The following CNNM2 variants were observed in gnomAD, a reference collection of about 807,000 sequenced individuals.
CNNM2 encodes cyclin and CBS domain divalent metal cation transport mediator 2.
CNNM2 carries 12 observed loss-of-function variants against 66.9 expected under a neutral mutation model. That is an observed-to-expected ratio of 0.18 (90% CI 0.11 to 0.29). CNNM2 has a LOEUF of 0.29. Among genes scored for constraint, CNNM2 ranks in the 10% least tolerant of loss-of-function variants. The pLI is 1.00. For missense variants in CNNM2, 705 were observed against 1,167.7 expected (o/e 0.60, Z 5.77); for synonymous variants, 557 against 501.8 (o/e 1.11, Z -1.47).
chr10:103,004,334 C>T (rs2064185272), intron 1 of CNNM2, among the ~76,000 whole-genome samples: 1 of 152,088 alleles, frequency 6.6e-6, no homozygotes, highest in Non-Finnish European at 1.5e-5. Context: ...TTTATTCTTT[C>T]TATTTTTGAA....
intron 1 of CNNM2, among the ~76,000 whole-genome samples, chr10:103,006,455 C>G (rs543008386): frequency 6.6e-6 from 1 of 152,252 alleles, no homozygotes; most frequent in East Asian, 1.9e-4. Context: ...ATCCACCCGC[C>G]TCAGCCTCCC....
intron 1 of CNNM2, among the ~76,000 whole-genome samples, chr10:103,004,533 A>C (rs970353972): frequency 4.6e-5 from 7 of 152,224 alleles, no homozygotes; most frequent in African/African-American, 1.7e-4. Flanking sequence ...TCTTGTTAAA[A>C]GGTAGATTCT....
At chr10:102,993,269 G>T (rs568357091) in intron 1 of CNNM2, among the ~76,000 whole-genome samples, 1 of 152,296 alleles carries the variant, frequency 6.6e-6, no homozygotes, top group African/African-American at 2.4e-5. Flanking sequence ...CCCATGGTCA[G>T]AGTAGATTAT....
intron 1 of CNNM2, among the ~76,000 whole-genome samples, chr10:102,940,061 A>T (rs1846374255): frequency 6.6e-6 from 1 of 152,114 alleles, no homozygotes; most frequent in African/African-American, 2.4e-5. Flanking sequence ...TCCTGCTCTC[A>T]GGTAACTTGA....
intron 1 of CNNM2, among the ~76,000 whole-genome samples, chr10:103,006,534 A>C (rs2064231718): frequency 6.6e-6 from 1 of 152,048 alleles, no homozygotes; most frequent in Admixed American, 6.6e-5. Flanking sequence ...GCTCCCCTTC[A>C]TCAGATTGAA....
chr10:103,052,518 C>CT (rs71019652), intron 2 of CNNM2, among the ~76,000 whole-genome samples: 126 of 142,506 alleles, frequency 8.8e-4, no homozygotes, highest in East Asian at 3.8e-3. Flanking sequence ...AGGTTTTTTT[C>CT]TTTTTTTTTT....
intron 1 of CNNM2, among the ~76,000 whole-genome samples, chr10:102,982,185 T>G (rs1402198022): frequency 6.6e-6 from 1 of 152,182 alleles, no homozygotes; most frequent in East Asian, 1.9e-4. Flanking sequence ...TCTTTGCCTT[T>G]TTATATTAGG....
chr10:103,037,016 A>C (rs2064952987), intron 1 of CNNM2, among the ~76,000 whole-genome samples: 1 of 152,110 alleles, frequency 6.6e-6, no homozygotes, highest in South Asian at 2.1e-4. Flanking sequence ...ATTGGGGGAA[A>C]CTGGGGAAAA....
chr10:102,939,115 C>T (rs1846340387), intron 1 of CNNM2, among the ~76,000 whole-genome samples: 1 of 152,118 alleles, frequency 6.6e-6, no homozygotes, highest in East Asian at 1.9e-4. Flanking sequence ...GATTTGTTGC[C>T]TTTTTCAGAC....
At chr10:103,047,845 T>G (rs774207395) in intron 1 of CNNM2, among the ~76,000 whole-genome samples, 1 of 152,224 alleles carries the variant, frequency 6.6e-6, no homozygotes, top group Non-Finnish European at 1.5e-5. Context: ...ACCAGCAATC[T>G]CATCAGAAAA....
intron 3 of CNNM2, 64 bp from the exon 4 acceptor site, chr10:103,056,731 A>C: frequency 7.0e-7 from 1 of 1,426,320 alleles, no homozygotes; most frequent in Non-Finnish European, 9.8e-7. Context: ...CTCAATTACT[A>C]TTAATAGTAT....
intron 1 of CNNM2, among the ~76,000 whole-genome samples, chr10:102,974,596 G>A (rs1177911889): frequency 6.6e-6 from 1 of 151,690 alleles, no homozygotes; most frequent in Non-Finnish European, 1.5e-5. Flanking sequence ...TTTTGAGACA[G>A]GGTCTTGCCC....
intron 1 of CNNM2, among the ~76,000 whole-genome samples, chr10:102,951,433 G>C (rs1261190257): frequency 6.6e-6 from 1 of 152,102 alleles, no homozygotes; most frequent in Non-Finnish European, 1.5e-5. Flanking sequence ...TTGATCTCAA[G>C]TGATCTGCCT....
chr10:103,024,152 T>C (rs2064650216), intron 1 of CNNM2, among the ~76,000 whole-genome samples: 1 of 152,222 alleles, frequency 6.6e-6, no homozygotes, highest in African/African-American at 2.4e-5. Flanking sequence ...TGTGATATTA[T>C]GCTTTTTTTG....
chr10:103,068,701 A>T lies in CNNM2; in HGVS notation c.2146A>T (p.Met716Leu). 6.2e-7 allele frequency: 1 copy of T among 1,612,960 alleles called. No homozygotes were observed. The highest frequency in any genetic ancestry group is 8.5e-7 in the Non-Finnish European group (1 of 1,179,536). Residue 716 changes from methionine (M) to leucine (L), a missense_variant, in exon 5 of 8, where the codon ATG (methionine) becomes TTG (leucine). This residue lies in a region of CNNM2 where 194 missense variants were observed against 227.6 expected (regional missense o/e 0.85). Transcript: ENST00000369878. ...GAGCGCCTTCTCATACTATGGCGTG[A>T]TGGCCCTGACAGCCTCTCCAGGTAT... ...EASAFSYYGV[M>L]ALTASPVPLS... is the part of the protein sequence containing the mutation.
chr10:103,072,413 C>T lies in CNNM2; in HGVS notation c.2233+574C>T, dbSNP rs545826474. ...TCTGCTGTCCGCCAGGCAGGCGGCC[C>T]TACTTCTCCCCACCACCAGGCAGGC... On this transcript the variant is annotated intron_variant, in intron 6 of 7. Transcript: ENST00000369878. 5.7e-4 allele frequency among the ~76,000 whole-genome samples: 87 copies of T among 152,264 alleles called. 1 individual carries two copies. In the South Asian group the frequency reaches 7.0e-3, roughly 12 times the overall value.
chr10:103,050,668 C>T (rs117280545), intron 2 of CNNM2, among the ~76,000 whole-genome samples: 215 of 151,712 alleles, frequency 1.4e-3, no homozygotes, highest in South Asian at 0.012. Context: ...GGCAGTGGGT[C>T]GGGGGTGTGG....
At chr10:103,075,995 G>A in intron 6 of CNNM2, 91 bp from the exon 7 acceptor site, 1 of 1,191,772 alleles carries the variant, frequency 8.4e-7, no homozygotes, top group South Asian at 1.5e-5. Flanking sequence ...GGGCTTGTGT[G>A]GCATTTAGTA....
At chr10:103,028,828 C>CTTTTTTTTTTTTTTTTTTT (rs34401079) in intron 1 of CNNM2, among the ~76,000 whole-genome samples, 2 of 99,190 alleles carry the variant, frequency 2.0e-5, no homozygotes, top group East Asian at 3.0e-4. Context: ...TTTTTTTTTT[C>CTTTTTTTTTTTTTTTTTTT]TTTTTTTTTT....
Sources: gnomAD v4.1 joint callset for allele counts (sites outside exome capture counted in the v4.1 genomes callset) on GRCh38, gnomAD v4.1.1 for gene constraint, gnomAD v4.1.1 regional missense constraint, MANE v1.5 for transcripts, NCBI Gene and HGNC (gene_info 2026-07-23, HGNC 2026-07-21) for gene names.